Variants in FCHSD2 observed in about 807,000 individuals in gnomAD.
FCHSD2 encodes F-BAR and double SH3 domains protein 2.
Under a neutral mutation model 108.1 loss-of-function variants are expected in FCHSD2, and 38 were observed. The observed-to-expected ratio is 0.35, with a 90% CI of 0.27 to 0.46. FCHSD2 has a LOEUF of 0.46. Among genes scored for constraint, FCHSD2 ranks in the 20% least tolerant of loss-of-function variants. The probability of loss-of-function intolerance (pLI) is 1.00; values close to 1 mark genes in which losing one functional copy is unlikely to be tolerated. For synonymous variants in FCHSD2, 279 were observed against 314.7 expected (o/e 0.89, Z 1.20); for missense variants, 751 against 897.8 (o/e 0.84, Z 2.09).
At chr11:73,094,628 T>G (rs1228567295) in intron 2 of FCHSD2, among the ~76,000 whole-genome samples, 1 of 152,170 alleles carries the variant, frequency 6.6e-6, no homozygotes, top group Non-Finnish European at 1.5e-5. Flanking sequence ...ACTTGACCCC[T>G]GTTATTTTAT....
chr11:73,031,150 T>C (rs573312840), intron 3 of FCHSD2, among the ~76,000 whole-genome samples: 5 of 152,100 alleles, frequency 3.3e-5, no homozygotes, highest in South Asian at 2.1e-4. Flanking sequence ...ATCTGTTATA[T>C]ATGGAATCTA....
intron 2 of FCHSD2, among the ~76,000 whole-genome samples, chr11:73,091,678 T>C (rs1254198480): frequency 6.6e-6 from 1 of 152,254 alleles, no homozygotes; most frequent in Non-Finnish European, 1.5e-5. Context: ...TTTCATGTTC[T>C]AGCAAATGTG....
intron 2 of FCHSD2, among the ~76,000 whole-genome samples, chr11:73,117,040 G>T (rs1860620938): frequency 6.6e-6 from 1 of 151,568 alleles, no homozygotes. Flanking sequence ...GTATCATATT[G>T]GTCTTTTCAA....
At chr11:72,982,899 A>G (rs1244244374) in intron 8 of FCHSD2, among the ~76,000 whole-genome samples, 1 of 152,192 alleles carries the variant, frequency 6.6e-6, no homozygotes, top group Admixed American at 6.5e-5. Flanking sequence ...AATGGCTCAC[A>G]CCTGTAATCC....
chr11:72,967,618 G>A (rs1351537150), intron 8 of FCHSD2, among the ~76,000 whole-genome samples: 2 of 152,084 alleles, frequency 1.3e-5, no homozygotes, highest in Non-Finnish European at 2.9e-5. Context: ...GGAGTAGGGA[G>A]AACACAAAAT....
At chr11:72,851,824 A>G (rs962687007) in intron 13 of FCHSD2, among the ~76,000 whole-genome samples, 1 of 152,160 alleles carries the variant, frequency 6.6e-6, no homozygotes, top group African/African-American at 2.4e-5. Flanking sequence ...ATATCACTAA[A>G]GAAATGCAAA....
At chr11:73,081,166 T>C (rs1312413916) in intron 3 of FCHSD2, among the ~76,000 whole-genome samples, 1 of 152,192 alleles carries the variant, frequency 6.6e-6, no homozygotes, top group Non-Finnish European at 1.5e-5. Flanking sequence ...CCAGGCACTG[T>C]GGCTCATGCC....
At position 72,902,578 on chromosome 11, in the gene FCHSD2, G is replaced by A; in HGVS notation, c.889C>T (p.Gln297Ter). The A allele has an allele frequency of 6.3e-7, 1 of 1,589,574 alleles. No homozygotes were observed. The highest frequency in any genetic ancestry group is 1.2e-5 in the South Asian group (1 of 86,920). ...TCACAAGGCTGGAACTGGAAGGGCT[G>A]GGGTTTGTGAAATACAGCGTTTTCT... ...LQENAVFHKPQPFQFQPCDSD... is the reference protein window; with the variant it reads ...LQENAVFHKP Residue 297 changes from glutamine (Q) to a stop codon, truncating the protein, a stop_gained, in exon 10 of 20, where the codon CAG becomes TAG. Transcript: ENST00000409418. LOFTEE classifies it high-confidence loss of function.
intron 8 of FCHSD2, among the ~76,000 whole-genome samples, chr11:72,933,861 C>G (rs183446404): frequency 5.3e-4 from 80 of 152,160 alleles, no homozygotes; most frequent in Admixed American, 2.9e-3. Context: ...GCAATTTCAA[C>G]ACTTTTGGAG....
At chr11:72,963,035 G>A (rs1296143343) in intron 8 of FCHSD2, among the ~76,000 whole-genome samples, 1 of 152,060 alleles carries the variant, frequency 6.6e-6, no homozygotes, top group Non-Finnish European at 1.5e-5. Flanking sequence ...TACCTCTTTG[G>A]TAAAAGAGGG....
intron 8 of FCHSD2, among the ~76,000 whole-genome samples, chr11:72,951,870 C>A (rs528764503): frequency 3.7e-4 from 56 of 152,288 alleles, no homozygotes; most frequent in African/African-American, 1.3e-3. Flanking sequence ...TTCAGTATAG[C>A]AGAGAAAGTC....
chr11:73,045,415 T>G (rs1181890220), intron 3 of FCHSD2, among the ~76,000 whole-genome samples: 1 of 151,460 alleles, frequency 6.6e-6, no homozygotes, highest in Non-Finnish European at 1.5e-5. Flanking sequence ...ATCCCATTAC[T>G]GGGTATATAC....
intron 8 of FCHSD2, among the ~76,000 whole-genome samples, chr11:72,964,290 G>A (rs896164502): frequency 6.6e-6 from 1 of 152,126 alleles, no homozygotes; most frequent in Non-Finnish European, 1.5e-5. Context: ...TCATCACATC[G>A]AATCATGTAC....
chr11:72,931,667 A>G (rs1856195637), intron 8 of FCHSD2, among the ~76,000 whole-genome samples: 2 of 151,968 alleles, frequency 1.3e-5, no homozygotes, highest in South Asian at 2.1e-4. Context: ...TGGGAGGTTG[A>G]GTTAGGAGAA....
chr11:73,005,448 T>A (rs1209917542), intron 4 of FCHSD2, among the ~76,000 whole-genome samples: 1 of 152,148 alleles, frequency 6.6e-6, no homozygotes, highest in East Asian at 1.9e-4. Flanking sequence ...AATGTTTTCT[T>A]CACTTGGCTT....
intron 9 of FCHSD2, among the ~76,000 whole-genome samples, chr11:72,916,968 CTTTTTTTTTTTTTTTTTTTT>C (rs71062793): frequency 1.2e-4 from 14 of 118,768 alleles, no homozygotes; most frequent in East Asian, 2.5e-4. Flanking sequence ...GAACTTCATT[CTTTTTTTTTTTTTTTTTTTT>C]TTTTTTTTTT....
intron 4 of FCHSD2, among the ~76,000 whole-genome samples, chr11:73,008,326 G>C (rs746238777): frequency 6.6e-6 from 1 of 152,072 alleles, no homozygotes; most frequent in South Asian, 2.1e-4. Flanking sequence ...GCGACAGACC[G>C]AGACTGTCTC....
In FCHSD2 at chr11:72,995,428, G is replaced by A. The variant is rs148888549; in HGVS notation, c.387+5562C>T. 4.6e-5 allele frequency among the ~76,000 whole-genome samples: 7 copies of A among 152,176 alleles called. No homozygotes were observed. In the East Asian group the frequency reaches 5.8e-4, roughly 13 times the overall value. On this transcript the variant is annotated intron_variant, in intron 5 of 19. Transcript: ENST00000409418. ...TTAAGAACCAAAAACTGGGCCAGGT[G>A]CGGTGGCTCACACCTGTAATCTTAG...
intron 3 of FCHSD2, among the ~76,000 whole-genome samples, chr11:73,037,347 G>A (rs533744758): frequency 2.6e-4 from 39 of 152,242 alleles, no homozygotes; most frequent in Middle Eastern, 3.4e-3. Flanking sequence ...CTATGTGTCT[G>A]GACAAACATA....
Sources: gnomAD v4.1 joint callset for allele counts (sites outside exome capture counted in the v4.1 genomes callset) on GRCh38, gnomAD v4.1.1 for gene constraint, MANE v1.5 for transcripts, NCBI Gene and HGNC (gene_info 2026-07-23, HGNC 2026-07-21) for gene names.